MACROD2: variants seen among roughly 807,000 people sequenced by gnomAD.
MACROD2 encodes ADP-ribose glycohydrolase MACROD2.
MACROD2 carries 36 observed loss-of-function variants against 70.4 expected under a neutral mutation model. That is an observed-to-expected ratio of 0.51 (90% CI 0.39 to 0.68). The LOEUF (loss-of-function observed/expected upper bound fraction) is 0.68, where lower values mean the gene tolerates loss of function less well. Among genes scored for constraint, MACROD2 ranks in the 30% least tolerant of loss-of-function variants. The pLI, the probability that MACROD2 is intolerant of heterozygous loss-of-function variation, is 0.00. For missense variants in MACROD2, 496 were observed against 538.4 expected (o/e 0.92, Z 0.78); for synonymous variants, 172 against 178.8 (o/e 0.96, Z 0.30).
chr20:14,767,148 A>T (rs771457945), intron 5 of MACROD2, among the ~76,000 whole-genome samples: 24 of 152,096 alleles, frequency 1.6e-4, no homozygotes, highest in Non-Finnish European at 2.9e-4. Context: ...AGGCAACATA[A>T]CAAGATCCCA....
At chr20:15,157,377 C>T (rs1420299240) in intron 5 of MACROD2, among the ~76,000 whole-genome samples, 2 of 144,756 alleles carry the variant, frequency 1.4e-5, no homozygotes, top group Non-Finnish European at 3.1e-5. Context: ...CCCCCCCGGC[C>T]ACCCAGGCTT....
intron 15 of MACROD2, among the ~76,000 whole-genome samples, chr20:15,995,816 C>T (rs958928093): frequency 2.8e-4 from 43 of 150,926 alleles, no homozygotes; most frequent in South Asian, 8.5e-4. Flanking sequence ...TTCCATTATA[C>T]ATATATATTC....
At chr20:15,454,765 T>C (rs527634682) in intron 7 of MACROD2, among the ~76,000 whole-genome samples, 1 of 146,822 alleles carries the variant, frequency 6.8e-6, no homozygotes, top group Non-Finnish European at 1.5e-5. Context: ...GAGGGATAGC[T>C]CTGTTGACCT....
chr20:14,690,428 C>T (rs889472975), intron 5 of MACROD2, among the ~76,000 whole-genome samples: 1 of 152,144 alleles, frequency 6.6e-6, no homozygotes, highest in African/African-American at 2.4e-5. Flanking sequence ...CAATAATAAT[C>T]AGATGATAGT....
At chr20:14,033,689 C>A (rs1342510988) in intron 2 of MACROD2, among the ~76,000 whole-genome samples, 2 of 152,124 alleles carry the variant, frequency 1.3e-5, no homozygotes, top group African/African-American at 4.8e-5. Context: ...AGCTCACACC[C>A]CAAATCCATA....
Position 15,877,563 on chromosome 20 carries a change from G to T in MACROD2, c.728-8201G>T, listed in dbSNP as rs940087719. On this transcript the variant is annotated intron_variant, in intron 9 of 17. Coordinates refer to ENST00000684519, the MANE Select transcript of MACROD2 (RefSeq NM_001351661.2). The stretch of plus-strand genomic sequence containing the variant: ...GTGAGTCCAGGTATTCAACTTAATG[G>T]CAGGAGTCCTACTCAGGGAGGACTC... Among the ~76,000 whole-genome samples, 4 of 152,096 alleles carry T rather than the reference G, an allele frequency of 2.6e-5. No individual in the cohort carries two copies. In the East Asian group the frequency reaches 7.7e-4, roughly 29 times the overall value.
chr20:14,974,427 A>G (rs2074719534), intron 5 of MACROD2, among the ~76,000 whole-genome samples: 1 of 152,186 alleles, frequency 6.6e-6, no homozygotes, highest in South Asian at 2.1e-4. Context: ...TGACATACCC[A>G]GAATTGGATA....
intron 6 of MACROD2, among the ~76,000 whole-genome samples, chr20:15,273,087 G>A (rs1568683748): frequency 1.3e-5 from 2 of 152,114 alleles, no homozygotes; most frequent in South Asian, 4.1e-4. Context: ...AGGATACAAG[G>A]TATTGATCCC....
At chr20:15,454,190 A>G (rs2046684463) in intron 7 of MACROD2, among the ~76,000 whole-genome samples, 1 of 152,104 alleles carries the variant, frequency 6.6e-6, no homozygotes, top group South Asian at 2.1e-4. Context: ...GTGTGCTTTA[A>G]CTATTGTGTG....
At chr20:15,816,731 A>G (rs745488463) in intron 8 of MACROD2, among the ~76,000 whole-genome samples, 10 of 152,218 alleles carry the variant, frequency 6.6e-5, no homozygotes, top group Non-Finnish European at 1.2e-4. Context: ...TCCAGTCTGT[A>G]CTAGGCATTA....
Position 13,995,973 on chromosome 20 carries a change from G to T in MACROD2, c.46+164G>T, listed in dbSNP as rs1054188473. On this transcript the variant is annotated intron_variant, in intron 1 of 17. Transcript: ENST00000684519. This position sits in a 1 kb window ranked among gnomAD's most constrained non-coding sequence, Gnocchi z 4.3. ...TCCGTGTGTACACACGCGCACACTC[G>T]CGCGCACTCCGGCGTGCACGCGCCG... Among the ~76,000 whole-genome samples the T allele has an allele frequency of 2.6e-5, 4 of 152,068 alleles. No individual in the cohort carries two copies. Among genetic ancestry groups the T allele is most frequent in the African/African-American group, 7.2e-5 (3 of 41,442 alleles).
chr20:15,785,086 A>T (rs1163119078), intron 8 of MACROD2, among the ~76,000 whole-genome samples: 1 of 148,350 alleles, frequency 6.7e-6, no homozygotes, highest in Non-Finnish European at 1.5e-5. Context: ...CGGGAGGCGG[A>T]GCTTGCGGTG....
chr20:14,649,267 A>C (rs6042838), intron 4 of MACROD2, among the ~76,000 whole-genome samples: 15,912 of 152,228 alleles, frequency 0.1, 1,464 homozygotes, highest in African/African-American at 0.24. Context: ...AAGAGGAAAG[A>C]GTTTTAGAGA....
At chr20:14,381,377 G>A (rs576124459) in intron 3 of MACROD2, among the ~76,000 whole-genome samples, 4 of 152,042 alleles carry the variant, frequency 2.6e-5, no homozygotes, top group Admixed American at 2.6e-4. Flanking sequence ...ATGAGTGATC[G>A]TTGACCTGGA....
intron 5 of MACROD2, among the ~76,000 whole-genome samples, chr20:14,833,805 C>A (rs1192749355): frequency 6.6e-6 from 1 of 151,954 alleles, no homozygotes; most frequent in African/African-American, 2.4e-5. Context: ...TTGGTTTCAA[C>A]CACCATAAAG....
In MACROD2 at chr20:15,773,752, A is replaced by G. The variant is rs185569192; in HGVS notation, c.646-88993A>G. Among the ~76,000 whole-genome samples the G allele has an allele frequency of 2.5e-3, 381 of 152,270 alleles. 2 individuals are homozygous for G. The highest frequency in any genetic ancestry group is 9.0e-3 in the African/African-American group (372 of 41,564). ...TACCCTTTTAGGAGGTGCTAGCTAC[A>G]TCCCTCAAATGATAAAAAATACAAA... On this transcript the variant is annotated intron_variant, in intron 8 of 17. Coordinates refer to ENST00000684519, the MANE Select transcript of MACROD2 (RefSeq NM_001351661.2).
At chr20:14,553,788 A>G (rs1978831800) in intron 4 of MACROD2, among the ~76,000 whole-genome samples, 1 of 152,148 alleles carries the variant, frequency 6.6e-6, no homozygotes, top group African/African-American at 2.4e-5. Context: ...ATGACCATCA[A>G]AGTTGGTCTT....
chr20:15,023,686 G>A (rs753032756), intron 5 of MACROD2, among the ~76,000 whole-genome samples: 11 of 152,082 alleles, frequency 7.2e-5, no homozygotes, highest in South Asian at 2.1e-4. Context: ...ATCAGATCTC[G>A]TGAAACTTAT....
intron 8 of MACROD2, among the ~76,000 whole-genome samples, chr20:15,629,778 T>G (rs2049261355): frequency 6.6e-6 from 1 of 152,196 alleles, no homozygotes; most frequent in African/African-American, 2.4e-5. Flanking sequence ...AAGAGTAAAT[T>G]TGGGCTCAGC....
Sources: gnomAD v4.1 joint callset for allele counts (sites outside exome capture counted in the v4.1 genomes callset) on GRCh38, gnomAD v4.1.1 for gene constraint, Gnocchi (gnomAD v3.1) non-coding constraint, MANE v1.5 for transcripts, NCBI Gene and HGNC (gene_info 2026-07-23, HGNC 2026-07-21) for gene names.